PRKCH: variants seen among roughly 807,000 people sequenced by gnomAD.
The protein encoded by PRKCH is protein kinase C eta.
Under a neutral mutation model 82.5 loss-of-function variants are expected in PRKCH, and 28 were observed. That is an observed-to-expected ratio of 0.34 (90% CI 0.25 to 0.47). The LOEUF (loss-of-function observed/expected upper bound fraction) is 0.47. PRKCH is among the 20% of genes least tolerant of loss of function. The probability of loss-of-function intolerance (pLI) is 1.00; values close to 1 mark genes in which losing one functional copy is unlikely to be tolerated. For synonymous variants in PRKCH, 322 were observed against 327.4 expected, an observed-to-expected ratio of 0.98 and a Z score of 0.18; for missense variants, 705 against 881.8, an observed-to-expected ratio of 0.80 and a Z score of 2.54.
At chr14:61,334,549 G>A (rs953502703) in intron 1 of PRKCH, among the ~76,000 whole-genome samples, 1 of 152,120 alleles carries the variant, frequency 6.6e-6, no homozygotes, top group African/African-American at 2.4e-5. Flanking sequence ...TAGAGAAAGA[G>A]CATTCCAAGC....
chr14:61,498,195 G>T (rs1594764304), intron 10 of PRKCH, among the ~76,000 whole-genome samples: 1 of 152,008 alleles, frequency 6.6e-6, no homozygotes, highest in South Asian at 2.1e-4. Flanking sequence ...TGTATTTTTA[G>T]TAGAGACGGG....
intron 1 of PRKCH, among the ~76,000 whole-genome samples, chr14:61,366,468 A>C (rs761343323): frequency 3.3e-5 from 5 of 152,124 alleles, no homozygotes; most frequent in African/African-American, 4.8e-5. Flanking sequence ...GCCAGATCCA[A>C]ACTTAGAAGG....
intron 1 of PRKCH, among the ~76,000 whole-genome samples, chr14:61,368,791 A>C (rs2046330733): frequency 6.6e-6 from 1 of 152,108 alleles, no homozygotes; most frequent in Non-Finnish European, 1.5e-5. Flanking sequence ...AAATCATTTA[A>C]AATTTTTGTA....
chr14:61,266,420 A>AAAATAAAT (rs10630046), intron 1 of PRKCH, among the ~76,000 whole-genome samples: 4,355 of 151,984 alleles, frequency 0.029, 111 homozygotes, highest in East Asian at 0.069. Flanking sequence ...TCCATCTCCA[A>AAAATAAAT]AAATAAATAA....
chr14:61,230,131 T>G (rs2044730051), intron 1 of PRKCH, among the ~76,000 whole-genome samples: 1 of 152,160 alleles, frequency 6.6e-6, no homozygotes. Context: ...AAAGCAAGCC[T>G]AGAGTGCATT....
intron 10 of PRKCH, among the ~76,000 whole-genome samples, chr14:61,486,197 T>C (rs1223678524): frequency 1.3e-5 from 2 of 152,168 alleles, no homozygotes; most frequent in African/African-American, 4.8e-5. Flanking sequence ...TTTTTTTCAT[T>C]TTAACATTTG....
At chr14:61,331,731 TA>T (rs1194395086) in intron 1 of PRKCH, among the ~76,000 whole-genome samples, 4 of 152,222 alleles carry the variant, frequency 2.6e-5, no homozygotes, top group Admixed American at 6.5e-5. Context: ...TTTATATCTC[TA>T]AAGCCTCTGC....
At chr14:61,456,403 G>A (rs539480097) in intron 7 of PRKCH, among the ~76,000 whole-genome samples, 22 of 152,262 alleles carry the variant, frequency 1.4e-4, no homozygotes, top group African/African-American at 4.1e-4. Flanking sequence ...CTAATGGCAG[G>A]GGAATTAATA....
chr14:61,478,655 C>T (rs1374162354), intron 9 of PRKCH, among the ~76,000 whole-genome samples: 3 of 152,024 alleles, frequency 2.0e-5, no homozygotes, highest in Non-Finnish European at 4.4e-5. Context: ...ATTGCTTGAG[C>T]CTAGGAGTTC....
intron 10 of PRKCH, among the ~76,000 whole-genome samples, chr14:61,519,215 G>A (rs554794865): frequency 6.6e-5 from 10 of 152,204 alleles, no homozygotes; most frequent in Middle Eastern, 3.4e-3. Context: ...CCAGACGGTC[G>A]TGGCTGCAGT....
chr14:61,219,548 G>A lies in PRKCH; in HGVS notation c.-19+31880G>A, dbSNP rs143020411. ...AGTTAGCCTCATGAGTAAGCTGGGT[G>A]ATGGCTGTCAGTGTGTACCATCCTA... is the stretch of plus-strand genomic sequence containing the variant. On this transcript the variant is annotated intron_variant, in intron 1 of 3. Transcript: ENST00000555185. Among the ~76,000 whole-genome samples the A allele has an allele frequency of 5.5e-4, 84 of 152,320 alleles. 3 individuals are homozygous for A. The East Asian group carries it at 0.015, about 28-fold the overall frequency.
intron 2 of PRKCH, among the ~76,000 whole-genome samples, chr14:61,436,031 A>G (rs1488431782): frequency 6.6e-6 from 1 of 152,128 alleles, no homozygotes. Context: ...GATGATGATG[A>G]GTGGAAAATG....
chr14:61,398,700 A>G (rs1036457303), intron 2 of PRKCH, among the ~76,000 whole-genome samples: 3 of 152,216 alleles, frequency 2.0e-5, no homozygotes, highest in African/African-American at 7.2e-5. Flanking sequence ...AAGAGGAAAT[A>G]TAGGGGACAG....
intron 1 of PRKCH, among the ~76,000 whole-genome samples, chr14:61,362,652 G>A (rs1489308493): frequency 7.2e-5 from 11 of 152,286 alleles, no homozygotes; most frequent in Admixed American, 1.3e-4. Flanking sequence ...ACTATGCAGT[G>A]ATCATAAGGA....
chr14:61,222,260 A>C (rs1436378756), intron 1 of PRKCH, among the ~76,000 whole-genome samples: 4 of 152,210 alleles, frequency 2.6e-5, no homozygotes, highest in Non-Finnish European at 5.9e-5. Flanking sequence ...AATGATTTTC[A>C]TAAGGAAATC....
intron 2 of PRKCH, among the ~76,000 whole-genome samples, chr14:61,410,977 A>T (rs767694290): frequency 3.9e-5 from 6 of 152,242 alleles, no homozygotes; most frequent in Admixed American, 3.9e-4. Flanking sequence ...GACAGAAAGT[A>T]TGAGACATCG....
intron 1 of PRKCH, among the ~76,000 whole-genome samples, chr14:61,295,843 T>C (rs1594896612): frequency 6.6e-6 from 1 of 151,460 alleles, no homozygotes; most frequent in African/African-American, 2.4e-5. Flanking sequence ...TAACCCCCGA[T>C]AAATAACTTA....
intron 1 of PRKCH, among the ~76,000 whole-genome samples, chr14:61,201,455 CATT>C (rs899584694): frequency 2.6e-5 from 4 of 152,216 alleles, no homozygotes; most frequent in African/African-American, 9.6e-5. Context: ...TTTACACAAT[CATT>C]ATTATAAACG....
At chr14:61,322,649 G>C (rs2045643758) in intron 1 of PRKCH, 185 bp downstream of exon 1, 1 of 787,050 alleles carries the variant, frequency 1.3e-6, no homozygotes, top group Non-Finnish European at 1.9e-6. Flanking sequence ...TGCAGGCGCA[G>C]GTGTGTCTCC....
Sources: allele counts gnomAD v4.1 joint callset (sites outside exome capture counted in the v4.1 genomes callset), GRCh38; gene constraint gnomAD v4.1.1; transcripts MANE v1.5; gene names NCBI Gene and HGNC (gene_info 2026-07-23, HGNC 2026-07-21).